Variants in PRSS23 observed in about 807,000 individuals in gnomAD.
PRSS23 encodes the protein protease, serine 23.
A neutral mutation model predicts 34.7 loss-of-function variants in PRSS23; 25 were observed. The observed-to-expected ratio is 0.72, with a 90% CI of 0.53 to 1.01. The LOEUF (loss-of-function observed/expected upper bound fraction) is 1.01. Ranked by LOEUF, PRSS23 falls within the 50% of genes least tolerant of loss-of-function variation. The probability of loss-of-function intolerance (pLI) is 0.00; values close to 1 mark genes in which losing one functional copy is unlikely to be tolerated. For synonymous variants in PRSS23, 176 were observed against 186.6 expected, an observed-to-expected ratio of 0.94 and a Z score of 0.46; for missense variants, 445 against 475.6, an observed-to-expected ratio of 0.94 and a Z score of 0.60.
chr11:86,837,962 A>G (rs909054585), intron 2 of PRSS23, among the ~76,000 whole-genome samples: 9 of 152,088 alleles, frequency 5.9e-5, no homozygotes, highest in African/African-American at 2.2e-4. Flanking sequence ...CAGAGGGTGA[A>G]CTGAAGTAGG....
chr11:86,888,236 A>C lies in PRSS23; in HGVS notation c.207-62980A>C, dbSNP rs150311368. 1.8e-3 allele frequency among the ~76,000 whole-genome samples: 280 copies of C among 152,274 alleles called. 2 individuals carry two copies. The highest frequency in any genetic ancestry group is 6.2e-3 in the African/African-American group (259 of 41,556). On this transcript the variant is annotated intron_variant, in intron 2 of 2. Coordinates refer to the PRSS23 transcript ENST00000533902. ...ACATTTGAACAGGACCTTGAAAGAT[A>C]ACAAACCTCTATGCAGTCAAGGGGA... is the stretch of plus-strand genomic sequence containing the variant.
chr11:86,870,693 C>T (rs1948679244), intron 2 of PRSS23, among the ~76,000 whole-genome samples: 1 of 152,166 alleles, frequency 6.6e-6, no homozygotes, highest in Admixed American at 6.5e-5. Flanking sequence ...TATCAATCTT[C>T]CTTTCATCTG....
At chr11:86,844,651 G>T (rs1948472912) in intron 2 of PRSS23, among the ~76,000 whole-genome samples, 1 of 152,084 alleles carries the variant, frequency 6.6e-6, no homozygotes, top group South Asian at 2.1e-4. Flanking sequence ...GCTCTTCCTT[G>T]GTTTTTGAAT....
chr11:86,863,721 T>C (rs1332836803), intron 2 of PRSS23, among the ~76,000 whole-genome samples: 1 of 152,210 alleles, frequency 6.6e-6, no homozygotes, highest in Non-Finnish European at 1.5e-5. Flanking sequence ...AATCCCTTCA[T>C]AGACTCAAAT....
chr11:86,942,387 C>G (rs1949212884), intron 2 of PRSS23, among the ~76,000 whole-genome samples: 1 of 152,198 alleles, frequency 6.6e-6, no homozygotes, highest in Non-Finnish European at 1.5e-5. Flanking sequence ...TCTATTCCAT[C>G]TCATTGCTTT....
At chr11:86,879,576 G>GC (rs1948755464) in intron 2 of PRSS23, among the ~76,000 whole-genome samples, 1 of 132,492 alleles carries the variant, frequency 7.5e-6, no homozygotes, top group African/African-American at 2.8e-5. Context: ...CCGGCCAGCC[G>GC]CCCCGTCAGG....
chr11:86,833,006 A>G (rs1287649142), intron 2 of PRSS23: 6 of 420,976 alleles, frequency 1.4e-5, no homozygotes, highest in South Asian at 2.1e-5. Flanking sequence ...AAGACTGAGA[A>G]AAAAAAAAAC....
At chr11:86,843,531 G>A (rs1948463881) in intron 2 of PRSS23, among the ~76,000 whole-genome samples, 2 of 152,092 alleles carry the variant, frequency 1.3e-5, no homozygotes, top group South Asian at 4.2e-4. Flanking sequence ...ATCTGACAAA[G>A]GGCTAATATC....
intron 2 of PRSS23, among the ~76,000 whole-genome samples, chr11:86,825,300 G>A (rs1214507797): frequency 1.4e-4 from 22 of 152,086 alleles, no homozygotes; most frequent in African/African-American, 5.3e-4. Flanking sequence ...GTCTGTTCAT[G>A]TCCTTGGCCC....
At chr11:86,821,803 T>A in intron 1 of PRSS23, 1 of 794,418 alleles carries the variant, frequency 1.3e-6, no homozygotes, top group Non-Finnish European at 2.0e-6. Context: ...CGCTGCCCCC[T>A]CCGCCATGAC....
chr11:86,858,511 A>G (rs779486835), intron 2 of PRSS23, among the ~76,000 whole-genome samples: 3 of 151,658 alleles, frequency 2.0e-5, no homozygotes, highest in African/African-American at 4.9e-5. Flanking sequence ...CCCCTATGAT[A>G]TTGTTCCTAA....
At chr11:86,860,428 G>A (rs1405663821) in intron 2 of PRSS23, among the ~76,000 whole-genome samples, 1 of 151,288 alleles carries the variant, frequency 6.6e-6, no homozygotes, top group African/African-American at 2.4e-5. Flanking sequence ...TCCCAAAGTA[G>A]CAGAGGGTGT....
At chr11:86,948,401 T>A (rs1053685100) in intron 2 of PRSS23, 1 of 152,162 alleles carries the variant, frequency 6.6e-6, no homozygotes, top group Non-Finnish European at 1.5e-5. Flanking sequence ...CTGATTTTTT[T>A]AACAAATACC....
At chr11:86,939,417 TATATATATATTTTTTAA>T (rs1485761928) in intron 2 of PRSS23, among the ~76,000 whole-genome samples, 1,402 of 91,268 alleles carry the variant, frequency 0.015, 30 homozygotes, top group African/African-American at 0.042. Context: ...TATATATATA[TATATATATATTTTTTAA>T]CATGAGTAAA....
chr11:86,860,758 T>C (rs1565369125), intron 2 of PRSS23, among the ~76,000 whole-genome samples: 1 of 151,966 alleles, frequency 6.6e-6, no homozygotes, highest in East Asian at 1.9e-4. Flanking sequence ...TGTGATATTG[T>C]TCCTTATATC....
intron 2 of PRSS23, among the ~76,000 whole-genome samples, chr11:86,903,746 G>A (rs1948925715): frequency 6.6e-6 from 1 of 152,034 alleles, no homozygotes; most frequent in Non-Finnish European, 1.5e-5. Flanking sequence ...GCCTCCCAAA[G>A]TGCTGGGATT....
intron 2 of PRSS23, chr11:86,949,357 C>G (rs992102152): frequency 6.7e-6 from 1 of 148,898 alleles, no homozygotes; most frequent in Admixed American, 6.7e-5. Context: ...ATTTGACCAC[C>G]TTTTTGGAAT....
At chr11:86,800,733 A>G (rs554568689) in intron 1 of PRSS23, 82 bp downstream of exon 1, 12 of 822,788 alleles carry the variant, frequency 1.5e-5, no homozygotes, top group African/African-American at 7.4e-5. Context: ...AGGGCCGGGT[A>G]TGCGCGGGGT....
chr11:86,821,340 T>C, intron 1 of PRSS23: 2 of 746,112 alleles, frequency 2.7e-6, no homozygotes, highest in Non-Finnish European at 4.5e-6. Flanking sequence ...ATTCTGTAAC[T>C]CCTAAGGTAT....
Sources: allele counts gnomAD v4.1 joint callset (sites outside exome capture counted in the v4.1 genomes callset), GRCh38; gene constraint gnomAD v4.1.1; transcripts MANE v1.5; gene names NCBI Gene and HGNC (gene_info 2026-07-23, HGNC 2026-07-21).